The following OTUD1 variants were observed in gnomAD, a reference collection of about 807,000 sequenced individuals.
The protein encoded by OTUD1 is OTU domain-containing protein 1.
In OTUD1, 15 loss-of-function variants were observed where a neutral mutation model predicts 30.0. The ratio of observed to expected loss-of-function variants is 0.50; its 90% CI spans 0.33 to 0.77. The LOEUF (loss-of-function observed/expected upper bound fraction) is 0.77. OTUD1 is among the 30% of genes least tolerant of loss of function. OTUD1 has a pLI of 0.02. For synonymous variants in OTUD1, 381 were observed against 326.3 expected (o/e 1.17, Z -1.81); for missense variants, 796 against 697.8 (o/e 1.14, Z -1.59).
chr10:23,440,432 C>G lies in OTUD1; in HGVS notation c.975C>G (p.Val325=), dbSNP rs141182498. 34,951 of 1,551,712 alleles carry G rather than the reference C, an allele frequency of 0.023. 512 individuals carry two copies. The highest frequency in any genetic ancestry group is 0.027 in the Non-Finnish European group (31,454 of 1,146,998). The change falls in exon 1 of 1, where the codon GTC becomes GTG. Residue 325 remains valine (V), a synonymous_variant. Transcript: ENST00000376495. ...IPDGNCLYRA[V]SKTVYGDQSL... ...ACGGCAACTGCCTCTACCGAGCTGTCAGCAAGACGGTGTATGGGGACCAGA... is the reference window on the plus strand; with the variant it reads ...ACGGCAACTGCCTCTACCGAGCTGTGAGCAAGACGGTGTATGGGGACCAGA...
Position 23,440,852 on chromosome 10 carries a change from T to C in OTUD1, c.1395T>C (p.Ser465=), listed in dbSNP as rs1314438802. 7.7e-6 allele frequency: 12 copies of C among 1,551,984 alleles called. No homozygotes were observed. The South Asian group carries it at 1.4e-4, about 18-fold the overall frequency. The part of the protein sequence containing the change: ...QRKRDEELAK[S]MAISLSKMYI... The stretch of plus-strand genomic sequence containing the variant: ...AACGCGACGAAGAACTTGCCAAATC[T>C]ATGGCCATATCCTTGTCTAAAATGT... The change falls in exon 1 of 1, where the codon TCT becomes TCC. Residue 465 remains serine, a synonymous_variant. Transcript: ENST00000376495.
Position 23,440,387 on chromosome 10 carries a change from C to T in OTUD1, c.930C>T (p.Tyr310=), listed in dbSNP as rs1387993277. ...AGTATCTGCGGCAGAGGAATAAGTA[C>T]CGATTCCACATCATTCCAGACGGCA... is the stretch of plus-strand genomic sequence containing the variant. ...QDKYLRQRNK[Y]RFHIIPDGNC... The change falls in exon 1 of 1, where the codon TAC becomes TAT. Residue 310 remains tyrosine, a synonymous_variant. Transcript: ENST00000376495. The T allele has an allele frequency of 1.9e-6, 3 of 1,551,488 alleles. No individual in the cohort carries two copies. The highest frequency in any genetic ancestry group is 2.6e-6 in the Non-Finnish European group (3 of 1,147,014).
chr10:23,439,571 C>A lies in OTUD1; in HGVS notation c.114C>A (p.Pro38=), dbSNP rs939333612. ...CCCCCTTCAAGGTCTCGCTGCAGCC[C>A]CCGGGAGCCGCCGGCGCCGCGCCCG... ...AATPFKVSLQ[P]PGAAGAAPEP... Residue 38 remains proline (P), a synonymous_variant, in exon 1 of 1, where the codon CCC becomes CCA. Transcript: ENST00000376495. 60 of 1,378,162 alleles carry A rather than the reference C, an allele frequency of 4.4e-5. No individual in the cohort carries two copies. The highest frequency in any genetic ancestry group is 5.5e-5 in the Non-Finnish European group (58 of 1,062,264). The allele number at this position is 1,378,162 out of a possible 1,614,324, so 85.4% of individuals were successfully genotyped here.
rs938601261 is a variant in OTUD1, at chr10:23,439,343, A to G, written c.-115A>G. The stretch of plus-strand genomic sequence containing the variant: ...GGCCGGCTGCCTTTCGCTCATCTCT[A>G]TTCTGGGGCCGTTGGGTCACCGCGC... On this transcript the variant is annotated 5_prime_UTR_variant, in exon 1 of 1. Coordinates refer to ENST00000376495, the MANE Select transcript of OTUD1 (RefSeq NM_001145373.3). 2.1e-5 allele frequency: 20 copies of G among 957,318 alleles called. No individual in the cohort carries two copies. The highest frequency in any genetic ancestry group is 2.6e-5 in the Non-Finnish European group (19 of 744,798). 59.3% of individuals were successfully genotyped at this position (957,318 alleles called of 1,614,324 possible).
At position 23,440,738 on chromosome 10, in the gene OTUD1, C is replaced by G; in HGVS notation, c.1281C>G (p.Leu427=). The change falls in exon 1 of 1, where the codon CTC becomes CTG. Residue 427 remains leucine (L), a synonymous_variant. Transcript: ENST00000376495. ...GGCCTAGTATTTGGCTCAGTTGGCT[C>G]AGTAACGGACACTATGATGCTGTAT... ...SLRPSIWLSW[L]SNGHYDAVFD... The G allele has an allele frequency of 1.9e-6, 3 of 1,552,064 alleles. No homozygotes were observed. The highest frequency in any genetic ancestry group is 2.6e-6 in the Non-Finnish European group (3 of 1,147,086).
Position 23,440,110 on chromosome 10 carries a change from A to C in OTUD1, c.653A>C (p.Asp218Ala), listed in dbSNP as rs1847111143. ...CCCGCGGCGACCCCGGGGAGCCCCG[A>C]TCCCGGCCCCGGTCCGTGGGGCGAA... is the stretch of plus-strand genomic sequence containing the variant. Reference protein sequence around the residue: ...RGPAATPGSPDPGPGPWGEEH... With the variant: ...RGPAATPGSPAPGPGPWGEEH... Residue 218 changes from aspartate (D) to alanine (A), a missense_variant, in exon 1 of 1, where the codon GAT (aspartate) becomes GCT (alanine). Asp to Ala is a moderately radical substitution (Grantham distance 126). Coordinates refer to ENST00000376495, the MANE Select transcript of OTUD1 (RefSeq NM_001145373.3). The C allele has an allele frequency of 2.5e-5, 36 of 1,426,954 alleles. No homozygotes were observed. The South Asian group carries it at 5.2e-4, about 21-fold the overall frequency. The allele number at this position is 1,426,954 out of a possible 1,614,324, so 88.4% of individuals were successfully genotyped here.
Position 23,442,083 on chromosome 10 carries a change from C to T in OTUD1, c.*1180C>T, listed in dbSNP as rs1847136252. Reference sequence around the variant, plus strand: ...AGTTTGTACTTTTTTTATTTTGTAACATTTTGTGATTTTTTTGTACAAAAC... The same window carrying T: ...AGTTTGTACTTTTTTTATTTTGTAATATTTTGTGATTTTTTTGTACAAAAC... On this transcript the variant is annotated 3_prime_UTR_variant, in exon 1 of 1. Transcript: ENST00000376495. 1 of 166,838 alleles carries T rather than the reference C, an allele frequency of 6.0e-6. No individual in the cohort carries two copies. 10.3% of individuals were successfully genotyped at this position (166,838 alleles called of 1,614,324 possible).
rs544603351 is a variant in OTUD1 at position 23,439,090 on chromosome 10, G to T, written c.-368G>T. On this transcript the variant is annotated 5_prime_UTR_variant, in exon 1 of 1. Transcript: ENST00000376495. Reference sequence around the variant, plus strand: ...CCTCCCGGGCCTCCGCGCGCACCGCGCTCCTCCTCGCCGGCGGGACGCGCT... The same window carrying T: ...CCTCCCGGGCCTCCGCGCGCACCGCTCTCCTCCTCGCCGGCGGGACGCGCT... Among the ~76,000 whole-genome samples, 7 of 150,646 alleles carry T rather than the reference G, an allele frequency of 4.6e-5. No individual in the cohort carries two copies. Among genetic ancestry groups the T allele is most frequent in the Non-Finnish European group, 1.0e-4 (7 of 67,388 alleles).
Position 23,440,095 on chromosome 10 carries a change from C to G in OTUD1, c.638C>G (p.Thr213Ser). Residue 213 changes from threonine (T) to serine (S), a missense_variant, in exon 1 of 1, where the codon ACC (threonine) becomes AGC (serine). Coordinates refer to ENST00000376495, the MANE Select transcript of OTUD1 (RefSeq NM_001145373.3). Reference sequence around the variant, plus strand: ...GCCAAGCACCGAGGCCCCGCGGCGACCCCGGGGAGCCCCGATCCCGGCCCC... The same window carrying G: ...GCCAAGCACCGAGGCCCCGCGGCGAGCCCGGGGAGCCCCGATCCCGGCCCC... ...AAAKHRGPAA[T>S]PGSPDPGPGP... is the part of the protein sequence containing the mutation. 1 of 1,426,638 alleles carries G rather than the reference C, an allele frequency of 7.0e-7. No homozygotes were observed. The highest frequency in any genetic ancestry group is 1.5e-5 in the African/African-American group (1 of 66,522). 88.4% of individuals were successfully genotyped at this position (1,426,638 alleles called of 1,614,324 possible). A position where few individuals can be genotyped will look rare whatever the true frequency, so the allele number is the denominator to read the frequency against.
rs1233192416 is a variant in OTUD1 at position 23,439,410 on chromosome 10, G to T, written c.-48G>T. The T allele has an allele frequency of 7.9e-5, 98 of 1,233,162 alleles. No homozygotes were observed. Among genetic ancestry groups the T allele is most frequent in the Non-Finnish European group, 9.4e-5 (93 of 988,656 alleles). 76.4% of individuals were successfully genotyped at this position (1,233,162 alleles called of 1,614,324 possible). A position where few individuals can be genotyped will look rare whatever the true frequency, so the allele number is the denominator to read the frequency against. On this transcript the variant is annotated 5_prime_UTR_variant, in exon 1 of 1. Coordinates refer to ENST00000376495, the MANE Select transcript of OTUD1 (RefSeq NM_001145373.3). ...CCCGGGCCCGGAGGGTGTGTCCCCC[G>T]CTCCGGGGCTCGCCGCGCCTATAAG...
chr10:23,439,746 G>C lies in OTUD1; in HGVS notation c.289G>C (p.Gly97Arg), dbSNP rs1369118287. The C allele has an allele frequency of 2.9e-5, 34 of 1,165,124 alleles. No individual in the cohort carries two copies. The highest frequency in any genetic ancestry group is 3.3e-5 in the African/African-American group (2 of 60,630). 72.2% of individuals were successfully genotyped at this position (1,165,124 alleles called of 1,614,324 possible). ...APASAAAGPP[G>R]ASCKPPLPPH... ...CGCCTCCGCCGCCGCCGGCCCGCCCGGCGCGTCCTGCAAGCCGCCGCTGCC... is the reference window on the plus strand; with the variant it reads ...CGCCTCCGCCGCCGCCGGCCCGCCCCGCGCGTCCTGCAAGCCGCCGCTGCC... Residue 97 changes from glycine to arginine, a missense_variant, in exon 1 of 1, where the codon GGC (glycine) becomes CGC (arginine). Coordinates refer to ENST00000376495, the MANE Select transcript of OTUD1 (RefSeq NM_001145373.3).
Position 23,439,100 on chromosome 10 carries a change from GC to G in OTUD1, c.-356del, listed in dbSNP as rs1167871973. On this transcript the variant is annotated 5_prime_UTR_variant, in exon 1 of 1. Coordinates refer to ENST00000376495, the MANE Select transcript of OTUD1 (RefSeq NM_001145373.3). ...CTCCGCGCGCACCGCGCTCCTCCTC[GC>G]CGGCGGGACGCGCTCCAACGGGGCG... is the stretch of plus-strand genomic sequence containing the variant. 6.6e-6 allele frequency among the ~76,000 whole-genome samples: 1 copy of G among 150,628 alleles called. No individual in the cohort carries two copies. The highest frequency in any genetic ancestry group is 1.5e-5 in the Non-Finnish European group (1 of 67,442).
chr10:23,440,757 G>T lies in OTUD1; in HGVS notation c.1300G>T (p.Ala434Ser). 3 of 1,552,142 alleles carry T rather than the reference G, an allele frequency of 1.9e-6. No homozygotes were observed. Among genetic ancestry groups the T allele is most frequent in the African/African-American group, 1.4e-5 (1 of 73,180 alleles). ...LSWLSNGHYD[A>S]VFDHSYPNPE... is the part of the protein sequence containing the mutation. ...TTGGCTCAGTAACGGACACTATGATGCTGTATTTGATCACTCCTATCCTAA... is the reference window on the plus strand; with the variant it reads ...TTGGCTCAGTAACGGACACTATGATTCTGTATTTGATCACTCCTATCCTAA... Residue 434 changes from alanine to serine, a missense_variant, in exon 1 of 1, where the codon GCT becomes TCT. By Grantham distance (99) the Ala-to-Ser change is moderately conservative. Transcript: ENST00000376495.
rs752250756 is a variant in OTUD1 at position 23,439,520 on chromosome 10, C to A, written c.63C>A (p.Ala21=). The A allele has an allele frequency of 1.5e-6, 2 of 1,367,366 alleles. 1 individual carries two copies. The highest frequency in any genetic ancestry group is 3.2e-5 in the South Asian group (2 of 61,934). 84.7% of individuals were successfully genotyped at this position (1,367,366 alleles called of 1,614,324 possible). A position where few individuals can be genotyped will look rare whatever the true frequency, so the allele number is the denominator to read the frequency against. Residue 21 remains alanine (A), a synonymous_variant, in exon 1 of 1, where the codon GCC becomes GCA. Transcript: ENST00000376495. The part of the protein sequence containing the change: ...YPAGAPGPTA[A]APAPPAAATP... ...CCGGGGCCCCGGGTCCCACGGCCGC[C>A]GCCCCCGCGCCACCCGCCGCCGCTA...
Position 23,439,771 on chromosome 10 carries a change from C to G in OTUD1, c.314C>G (p.Pro105Arg). Residue 105 changes from proline (P) to arginine (R), a missense_variant, in exon 1 of 1, where the codon CCG (proline) becomes CGG (arginine). By Grantham distance (103) the Pro-to-Arg change is moderately radical. Transcript: ENST00000376495. ...PPGASCKPPL[P>R]PHYTSTAQIT... is the part of the protein sequence containing the mutation. ...GGCGCGTCCTGCAAGCCGCCGCTGC[C>G]GCCGCACTACACGTCCACCGCACAG... 1 of 1,156,624 alleles carries G rather than the reference C, an allele frequency of 8.6e-7. No homozygotes were observed. Among genetic ancestry groups the G allele is most frequent in the Non-Finnish European group, 1.1e-6 (1 of 942,494 alleles). 71.6% of individuals were successfully genotyped at this position (1,156,624 alleles called of 1,614,324 possible).
In OTUD1 at chr10:23,439,898, C is replaced by T. The variant is rs1340222991; in HGVS notation, c.441C>T (p.Leu147=). 4 of 1,195,730 alleles carry T rather than the reference C, an allele frequency of 3.3e-6. No individual in the cohort carries two copies. The highest frequency in any genetic ancestry group is 7.2e-5 in the East Asian group (2 of 27,596). The allele number at this position is 1,195,730 out of a possible 1,614,324, so 74.1% of individuals were successfully genotyped here. A position where few individuals can be genotyped will look rare whatever the true frequency, so the allele number is the denominator to read the frequency against. The change falls in exon 1 of 1, where the codon CTC becomes CTT. Residue 147 remains leucine (L), a synonymous_variant. Coordinates refer to ENST00000376495, the MANE Select transcript of OTUD1 (RefSeq NM_001145373.3). ...CCGCTGCCCCGCGCGGCCGCTGCCTCCTGCTCGCCCCGGCGCCCGCAGCCC... is the reference window on the plus strand; with the variant it reads ...CCGCTGCCCCGCGCGGCCGCTGCCTTCTGCTCGCCCCGGCGCCCGCAGCCC... ...GSAAAPRGRC[L]LLAPAPAAPV...
In OTUD1 at chr10:23,439,789, C is replaced by T; in HGVS notation, c.332C>T (p.Thr111Ile). 1 of 1,145,912 alleles carries T rather than the reference C, an allele frequency of 8.7e-7. No homozygotes were observed. Among genetic ancestry groups the T allele is most frequent in the Admixed American group, 4.7e-5 (1 of 21,236 alleles). The allele number at this position is 1,145,912 out of a possible 1,614,324, so 71.0% of individuals were successfully genotyped here. A position where few individuals can be genotyped will look rare whatever the true frequency, so the allele number is the denominator to read the frequency against. ...KPPLPPHYTS[T>I]AQITVRALGA... ...CCGCTGCCGCCGCACTACACGTCCA[C>T]CGCACAGATCACCGTGCGGGCCCTG... The change falls in exon 1 of 1, where the codon ACC becomes ATC. Residue 111 changes from threonine to isoleucine, a missense_variant. Thr to Ile is a moderately conservative substitution (Grantham distance 89). Coordinates refer to ENST00000376495, the MANE Select transcript of OTUD1 (RefSeq NM_001145373.3).
In OTUD1 at chr10:23,439,613, G is replaced by T. The variant is rs757003394; in HGVS notation, c.156G>T (p.Glu52Asp). ...AGAAPEPETG[E>D]CQPAAAAEHR... ...CCGCGCCCGAGCCCGAGACCGGTGA[G>T]TGCCAGCCCGCCGCGGCCGCCGAGC... is the stretch of plus-strand genomic sequence containing the variant. Residue 52 changes from glutamate to aspartate, a missense_variant, in exon 1 of 1, where the codon GAG becomes GAT. By Grantham distance (45) the Glu-to-Asp change is conservative. Coordinates refer to ENST00000376495, the MANE Select transcript of OTUD1 (RefSeq NM_001145373.3). The T allele has an allele frequency of 7.6e-7, 1 of 1,312,472 alleles. No individual in the cohort carries two copies. Among genetic ancestry groups the T allele is most frequent in the Non-Finnish European group, 9.7e-7 (1 of 1,028,092 alleles). The allele number at this position is 1,312,472 out of a possible 1,614,324, so 81.3% of individuals were successfully genotyped here. A position where few individuals can be genotyped will look rare whatever the true frequency, so the allele number is the denominator to read the frequency against.
At position 23,439,683 on chromosome 10, in the gene OTUD1, T is replaced by A; in HGVS notation, c.226T>A (p.Ser76Thr). 7.8e-7 allele frequency: 1 copy of A among 1,275,932 alleles called. No homozygotes were observed. Among genetic ancestry groups the A allele is most frequent in the Non-Finnish European group, 9.9e-7 (1 of 1,005,168 alleles). The allele number at this position is 1,275,932 out of a possible 1,614,324, so 79.0% of individuals were successfully genotyped here. A position where few individuals can be genotyped will look rare whatever the true frequency, so the allele number is the denominator to read the frequency against. ...AVPAAKMPAF[S>T]SCFEVVSGAA... is the part of the protein sequence containing the mutation. ...CCCCGCCGCCAAGATGCCCGCCTTCTCCTCCTGCTTCGAGGTGGTGTCCGG... is the reference window on the plus strand; with the variant it reads ...CCCCGCCGCCAAGATGCCCGCCTTCACCTCCTGCTTCGAGGTGGTGTCCGG... Residue 76 changes from serine (S) to threonine (T), a missense_variant, in exon 1 of 1, where the codon TCC becomes ACC. Transcript: ENST00000376495.
Sources: gnomAD v4.1 joint callset for allele counts (sites outside exome capture counted in the v4.1 genomes callset) on GRCh38, gnomAD v4.1.1 for gene constraint, MANE v1.5 for transcripts, NCBI Gene and HGNC (gene_info 2026-07-23, HGNC 2026-07-21) for gene names.